Variants in ANKRD36 observed in about 807,000 individuals in gnomAD.
ANKRD36 encodes ankyrin repeat domain 36.
Under a neutral mutation model 278.1 loss-of-function variants are expected in ANKRD36, and 179 were observed. The observed-to-expected ratio is 0.64, with a 90% confidence interval of 0.57 to 0.73. ANKRD36 has a LOEUF of 0.73. Among genes scored for constraint, ANKRD36 ranks in the 30% least tolerant of loss-of-function variants. ANKRD36 has a pLI of 0.00. For missense variants in ANKRD36, 1,159 were observed against 1,956.7 expected (o/e 0.59, Z 7.69); for synonymous variants, 320 against 641.1 (o/e 0.50, Z 7.57).
In ANKRD36 at chr2:97,113,536, C is replaced by G. The variant is rs946253925; in HGVS notation, c.-204C>G. 3.2e-6 allele frequency: 2 copies of G among 625,786 alleles called. No homozygotes were observed. The highest frequency in any genetic ancestry group is 5.4e-6 in the Non-Finnish European group (2 of 369,760). 38.8% of individuals were successfully genotyped at this position (625,786 alleles called of 1,614,324 possible). Reference sequence around the variant, plus strand: ...GCTAGGGCGGTTTCTCTGCCTCGGGCCTGTTGGGCAGGGCCGGCTAAGGTG... The same window carrying G: ...GCTAGGGCGGTTTCTCTGCCTCGGGGCTGTTGGGCAGGGCCGGCTAAGGTG... On this transcript the variant is annotated 5_prime_UTR_variant, in exon 1 of 76. Coordinates refer to ENST00000420699, the MANE Select transcript of ANKRD36 (RefSeq NM_001354587.1).
At chr2:97,225,999 C>A (rs1367831717) in intron 67 of ANKRD36, among the ~76,000 whole-genome samples, 1 of 151,780 alleles carries the variant, frequency 6.6e-6, no homozygotes, top group Non-Finnish European at 1.5e-5. Flanking sequence ...TGTCTATGTG[C>A]CATATTTTCT....
intron 44 of ANKRD36, 40 bp from the exon 45 acceptor site, chr2:97,200,294 G>A (rs751538027): frequency 3.1e-6 from 5 of 1,606,842 alleles, no homozygotes; most frequent in East Asian, 2.2e-5. Flanking sequence ...ATTTTATCAT[G>A]TTTACATGTG....
At chr2:97,177,923 A>C (rs1288272802) in intron 22 of ANKRD36, among the ~76,000 whole-genome samples, 1 of 150,164 alleles carries the variant, frequency 6.7e-6, no homozygotes, top group Non-Finnish European at 1.5e-5. Context: ...TTTGCAACCT[A>C]CTCATCTGAC....
At chr2:97,225,762 C>T (rs1241397505) in intron 67 of ANKRD36, among the ~76,000 whole-genome samples, 4 of 151,036 alleles carry the variant, frequency 2.6e-5, no homozygotes, top group Non-Finnish European at 4.4e-5. Flanking sequence ...TCTCCTAATG[C>T]TATCCCTCCC....
At chr2:97,209,080 C>G (rs1285364774) in intron 54 of ANKRD36, among the ~76,000 whole-genome samples, 2 of 146,502 alleles carry the variant, frequency 1.4e-5, no homozygotes, top group Non-Finnish European at 3.0e-5. Flanking sequence ...GAAACTTAGG[C>G]AAATTATTAC....
At chr2:97,218,197 G>C (rs1232668726) in intron 64 of ANKRD36, among the ~76,000 whole-genome samples, 57 of 149,874 alleles carry the variant, frequency 3.8e-4, no homozygotes, top group Non-Finnish European at 4.9e-4. Flanking sequence ...TGATATTCCA[G>C]AGCAGACTAA....
Position 97,207,995 on chromosome 2 carries a change from A to G in ANKRD36, c.3254A>G (p.Lys1085Arg). The G allele has an allele frequency of 1.3e-6, 2 of 1,521,228 alleles. No individual in the cohort carries two copies. The highest frequency in any genetic ancestry group is 4.9e-5 in the East Asian group (2 of 40,816). The allele number at this position is 1,521,228 out of a possible 1,614,324, so 94.2% of individuals were successfully genotyped here. The change falls in exon 54 of 76, where the codon AAA (lysine) becomes AGA (arginine). Residue 1085 changes from lysine to arginine, a missense_variant. Lys to Arg is a conservative substitution (Grantham distance 26). Coordinates refer to ENST00000420699, the MANE Select transcript of ANKRD36 (RefSeq NM_001354587.1). ...GCCAGAGGAAAAAAGTATGGAGAAA[A>G]AACTAAGAGAGGTAATTTTGAAAAG... ...NIARGKKYGE[K>R]TKRVSSRKKP... is the part of the protein sequence containing the mutation.
Position 97,206,757 on chromosome 2 carries a change from A to G in ANKRD36, c.3163+622A>G, listed in dbSNP as rs1166497935. ...TGCTGGAAGAAGGAAGCAATCCTAG[A>G]ATTGGCATAAAAACACACTGACTCA... On this transcript the variant is annotated intron_variant, in intron 52 of 75. Coordinates refer to ENST00000420699, the MANE Select transcript of ANKRD36 (RefSeq NM_001354587.1). Among the ~76,000 whole-genome samples the G allele has an allele frequency of 3.3e-5, 5 of 151,614 alleles. No homozygotes were observed. The East Asian group carries it at 9.8e-4, about 30-fold the overall frequency.
intron 66 of ANKRD36, among the ~76,000 whole-genome samples, chr2:97,224,595 G>A (rs1317280996): frequency 1.3e-4 from 20 of 151,988 alleles, no homozygotes; most frequent in Non-Finnish European, 1.3e-4. Context: ...GACTACAGGC[G>A]CCCGCCACCA....
chr2:97,135,905 A>G (rs980108227), intron 6 of ANKRD36, among the ~76,000 whole-genome samples: 3 of 151,922 alleles, frequency 2.0e-5, no homozygotes, highest in African/African-American at 7.2e-5. Flanking sequence ...CACCAATGTC[A>G]TATTATGAAA....
intron 67 of ANKRD36, among the ~76,000 whole-genome samples, chr2:97,229,004 C>G (rs1250351520): frequency 1.1e-4 from 17 of 152,074 alleles, no homozygotes; most frequent in African/African-American, 3.6e-4. Flanking sequence ...CTGACAGACA[C>G]TTTGTTATAC....
chr2:97,213,841 A>C (rs1208907113), intron 60 of ANKRD36, among the ~76,000 whole-genome samples: 1 of 151,808 alleles, frequency 6.6e-6, no homozygotes, highest in East Asian at 2.0e-4. Flanking sequence ...GGAAGAAGAA[A>C]TATGGAGAGC....
intron 22 of ANKRD36, among the ~76,000 whole-genome samples, chr2:97,173,383 G>T (rs1324047714): frequency 6.6e-6 from 1 of 151,674 alleles, no homozygotes; most frequent in Non-Finnish European, 1.5e-5. Flanking sequence ...AATGAGAGAT[G>T]ATAGATACTC....
At chr2:97,142,980 T>G (rs1174318796) in intron 8 of ANKRD36, 145 bp downstream of exon 8, 125 of 1,127,336 alleles carry the variant, frequency 1.1e-4, no homozygotes, top group Non-Finnish European at 1.5e-4. Flanking sequence ...AGTTCTCGGG[T>G]GACGCCGATG....
At chr2:97,131,239 G>T (rs1216809323) in intron 6 of ANKRD36, among the ~76,000 whole-genome samples, 1 of 151,436 alleles carries the variant, frequency 6.6e-6, no homozygotes, top group Non-Finnish European at 1.5e-5. Flanking sequence ...TCCCAGGCTG[G>T]AGTACAATAG....
intron 36 of ANKRD36, among the ~76,000 whole-genome samples, chr2:97,191,691 G>A (rs578052697): frequency 6.6e-6 from 1 of 151,708 alleles, no homozygotes; most frequent in Admixed American, 6.6e-5. Context: ...TAATTTTGGG[G>A]TTTTTCCTGA....
At chr2:97,181,279 C>CG (rs2056127795) in intron 24 of ANKRD36, among the ~76,000 whole-genome samples, 1 of 151,652 alleles carries the variant, frequency 6.6e-6, no homozygotes, top group Non-Finnish European at 1.5e-5. Flanking sequence ...CATTGATTCT[C>CG]AGGTGTGTGA....
chr2:97,214,119 A>T (rs1390307383), intron 60 of ANKRD36, among the ~76,000 whole-genome samples: 1 of 150,126 alleles, frequency 6.7e-6, no homozygotes, highest in Non-Finnish European at 1.5e-5. Context: ...TTATTTATGT[A>T]ATTTTGGGGT....
At chr2:97,204,892 AT>A (rs1327207300) in intron 50 of ANKRD36, among the ~76,000 whole-genome samples, 3 of 151,574 alleles carry the variant, frequency 2.0e-5, no homozygotes, top group African/African-American at 4.8e-5. Context: ...TTGAATTGGC[AT>A]AAAAACACAA....
Sources: allele counts gnomAD v4.1 joint callset (sites outside exome capture counted in the v4.1 genomes callset), GRCh38; gene constraint gnomAD v4.1.1; transcripts MANE v1.5; gene names NCBI Gene and HGNC (gene_info 2026-07-23, HGNC 2026-07-21).